USP9X: variants seen among roughly 807,000 people sequenced by gnomAD.
USP9X encodes the protein ubiquitin carboxyl-terminal hydrolase 9X.
USP9X carries 7 observed loss-of-function variants against 190.3 expected under a neutral mutation model. The observed-to-expected ratio is 0.04, with a 90% confidence interval of 0.02 to 0.07. The LOEUF is 0.07. Ranked by LOEUF, USP9X falls within the 10% of genes least tolerant of loss-of-function variation. The probability of loss-of-function intolerance (pLI) is 1.00; values close to 1 mark genes in which losing one functional copy is unlikely to be tolerated. For missense variants in USP9X, 1,010 were observed against 1,916.9 expected (o/e 0.53, Z 8.83); for synonymous variants, 645 against 659.5 (o/e 0.98, Z 0.34).
At chrX:41,144,466 CT>C in intron 10 of USP9X, 55 bp from the exon 11 acceptor site, 1 of 965,532 alleles carries the variant, frequency 1.0e-6, no homozygotes, top group African/African-American at 1.9e-5. Flanking sequence ...GTATACACTA[CT>C]TAATCTATTA....
At chrX:41,135,316 TA>T (rs1374708645) in intron 5 of USP9X, among the ~76,000 whole-genome samples, 19 of 105,435 alleles carry the variant, frequency 1.8e-4, no homozygotes, top group African/African-American at 5.2e-4. Flanking sequence ...AGGGAGGGAT[TA>T]AAAAAAAAAG....
chrX:41,101,188 A>C lies in USP9X; in HGVS notation c.-159+15079A>C, dbSNP rs1044664241. Among the ~76,000 whole-genome samples the C allele has an allele frequency of 2.7e-5, 3 of 111,167 alleles. No individual in the cohort carries two copies. In the Admixed American group the frequency reaches 2.9e-4, roughly 11 times the overall value. The stretch of plus-strand genomic sequence containing the variant: ...AATTTCATTTGCAGTAACTCGATAC[A>C]GCTTTCACTTTAGATTTTTCTGTTT... On this transcript the variant is annotated intron_variant, in intron 1 of 44. Coordinates refer to ENST00000378308, the MANE Select transcript of USP9X (RefSeq NM_001039591.3).
intron 21 of USP9X, among the ~76,000 whole-genome samples, chrX:41,183,230 C>T (rs1156361933): frequency 4.7e-5 from 5 of 107,390 alleles, no homozygotes; most frequent in African/African-American, 1.7e-4. Context: ...TGAGCCACTG[C>T]GCCCAGACCT....
chrX:41,130,269 A>T (rs2062297275), intron 3 of USP9X, among the ~76,000 whole-genome samples: 1 of 110,789 alleles, frequency 9.0e-6, no homozygotes, highest in East Asian at 2.8e-4. Context: ...TAGTAATGGT[A>T]TATAATAAAT....
chrX:41,192,307 T>G (rs1225124358), intron 26 of USP9X, among the ~76,000 whole-genome samples: 1 of 112,455 alleles, frequency 8.9e-6, no homozygotes, highest in Non-Finnish European at 1.9e-5. Flanking sequence ...TCCTTATCCC[T>G]AATCTAGGAA....
At chrX:41,163,570 G>A (rs2062652255) in intron 15 of USP9X, among the ~76,000 whole-genome samples, 1 of 108,990 alleles carries the variant, frequency 9.2e-6, no homozygotes. Context: ...TGGGCAGCAT[G>A]GCGAAATCCC....
chrX:41,229,215 T>C, intron 41 of USP9X, 38 bp from the exon 42 acceptor site: 1 of 1,091,158 alleles, frequency 9.2e-7, no homozygotes, highest in Middle Eastern at 2.6e-4. Flanking sequence ...AGCTATTAGA[T>C]TTTAGATGTT....
At chrX:41,167,345 T>G in intron 16 of USP9X, 137 bp from the exon 17 acceptor site, 1 of 449,637 alleles carries the variant, frequency 2.2e-6, no homozygotes. Flanking sequence ...CACTTAATTT[T>G]ACTTGATTAT....
At chrX:41,185,964 A>G (rs923792913) in intron 23 of USP9X, among the ~76,000 whole-genome samples, 1 of 111,308 alleles carries the variant, frequency 9.0e-6, no homozygotes, top group Non-Finnish European at 1.9e-5. Context: ...GGGGAGTTAC[A>G]ACTTGAAGGC....
At chrX:41,182,204 T>C (rs1276941182) in intron 21 of USP9X, among the ~76,000 whole-genome samples, 1 of 111,338 alleles carries the variant, frequency 9.0e-6, no homozygotes, top group Non-Finnish European at 1.9e-5. Flanking sequence ...TAACTCTGTC[T>C]CTACAAAAAA....
At chrX:41,175,090 G>T (rs889567471) in intron 21 of USP9X, among the ~76,000 whole-genome samples, 4 of 112,381 alleles carry the variant, frequency 3.6e-5, no homozygotes, top group Non-Finnish European at 7.5e-5. Context: ...TGATCAAGGA[G>T]TTATAATCTG....
intron 1 of USP9X, among the ~76,000 whole-genome samples, chrX:41,086,939 G>A (rs2061918008): frequency 8.9e-6 from 1 of 112,797 alleles, no homozygotes; most frequent in African/African-American, 3.2e-5. Flanking sequence ...ATAAGTTAAA[G>A]AGTTATACAG....
rs749457913 is a variant in USP9X at position 41,204,542 on chromosome X, C to A, written c.4825-761C>A. Among the ~76,000 whole-genome samples, 45 of 107,816 alleles carry A rather than the reference C, an allele frequency of 4.2e-4. No individual in the cohort carries two copies. The East Asian group carries it at 0.012, about 29-fold the overall frequency. 93.6% of individuals were successfully genotyped at this position (107,816 alleles called of 115,157 possible). A position where few individuals can be genotyped will look rare whatever the true frequency, so the allele number is the denominator to read the frequency against. Reference sequence around the variant, plus strand: ...TTTATTCTTTTGCATGTGGATTATCCAGTTTACCCAGCACCATTTGTGGAA... The same window carrying A: ...TTTATTCTTTTGCATGTGGATTATCAAGTTTACCCAGCACCATTTGTGGAA... On this transcript the variant is annotated intron_variant, in intron 31 of 44. Coordinates refer to ENST00000378308, the MANE Select transcript of USP9X (RefSeq NM_001039591.3).
At chrX:41,229,967 G>A (rs2063345716) in intron 43 of USP9X, 188 bp downstream of exon 43, 2 of 726,058 alleles carry the variant, frequency 2.8e-6, no homozygotes, top group Admixed American at 8.1e-5. Context: ...TTGGGAGGCC[G>A]AGGCAGGCGG....
intron 3 of USP9X, among the ~76,000 whole-genome samples, chrX:41,129,583 T>A (rs1408998155): frequency 1.8e-5 from 2 of 111,745 alleles, no homozygotes; most frequent in Non-Finnish European, 3.8e-5. Flanking sequence ...AGAATATAAT[T>A]TTTCACACTT....
chrX:41,104,123 G>A (rs2062052981), intron 1 of USP9X, among the ~76,000 whole-genome samples: 1 of 111,946 alleles, frequency 8.9e-6, no homozygotes, highest in Non-Finnish European at 1.9e-5. Flanking sequence ...CTGAAGTGCA[G>A]TGGCGTGATC....
intron 38 of USP9X, among the ~76,000 whole-genome samples, chrX:41,222,920 A>C (rs1032201802): frequency 1.8e-5 from 2 of 111,625 alleles, no homozygotes; most frequent in Non-Finnish European, 3.8e-5. Flanking sequence ...AAAAAGAAAG[A>C]AAGTGTTCAT....
At chrX:41,167,288 A>G (rs2062685977) in intron 16 of USP9X, 194 bp from the exon 17 acceptor site, 2 of 303,796 alleles carry the variant, frequency 6.6e-6, no homozygotes, top group Non-Finnish European at 1.2e-5. Context: ...AATTATTCAG[A>G]GACTTTCATT....
chrX:41,101,531 A>G (rs989957696), intron 1 of USP9X, among the ~76,000 whole-genome samples: 7 of 110,439 alleles, frequency 6.3e-5, no homozygotes, highest in Admixed American at 4.8e-4. Flanking sequence ...GCTCACTGCA[A>G]CCTCCACCTC....
Sources: allele counts gnomAD v4.1 joint callset (sites outside exome capture counted in the v4.1 genomes callset), GRCh38; gene constraint gnomAD v4.1.1; transcripts MANE v1.5; gene names NCBI Gene and HGNC (gene_info 2026-07-23, HGNC 2026-07-21).